MGAT4C: variants seen among roughly 807,000 people sequenced by gnomAD.
MGAT4C encodes the protein alpha-1,3-mannosyl-glycoprotein 4-beta-N-acetylglucosaminyltransferase C.
In MGAT4C, 19 loss-of-function variants were observed where a neutral mutation model predicts 40.1. That is an observed-to-expected ratio of 0.47 (90% CI 0.33 to 0.70). MGAT4C has a LOEUF of 0.70. Among genes scored for constraint, MGAT4C ranks in the 30% least tolerant of loss-of-function variants. The pLI is 0.02. For missense variants in MGAT4C, 491 were observed against 563.2 expected (o/e 0.87, Z 1.30); for synonymous variants, 181 against 187.1 (o/e 0.97, Z 0.27).
intron 1 of MGAT4C, among the ~76,000 whole-genome samples, chr12:86,062,136 A>G (rs1261512017): frequency 6.6e-6 from 1 of 152,004 alleles, no homozygotes; most frequent in Non-Finnish European, 1.5e-5. Flanking sequence ...TCTGGCTGGC[A>G]TCTGGCAGGA....
intron 4 of MGAT4C, among the ~76,000 whole-genome samples, chr12:86,264,954 C>T (rs1310923457): frequency 1.3e-5 from 2 of 152,198 alleles, no homozygotes; most frequent in African/African-American, 4.8e-5. Flanking sequence ...GTGACACCCT[C>T]TTTGGGGCTC....
intron 1 of MGAT4C, among the ~76,000 whole-genome samples, chr12:86,743,205 A>C (rs954055953): frequency 2.8e-5 from 4 of 142,236 alleles, no homozygotes; most frequent in African/African-American, 1.0e-4. Flanking sequence ...ATTCAGACAC[A>C]ATAAGTACGG....
At chr12:86,238,079 T>G (rs2136035330) in intron 1 of MGAT4C, among the ~76,000 whole-genome samples, 1 of 152,066 alleles carries the variant, frequency 6.6e-6, no homozygotes, top group African/African-American at 2.4e-5. Flanking sequence ...CATTTCCCTT[T>G]ACTTTTTGAT....
In MGAT4C at chr12:85,974,777, GA is replaced by G. The variant is rs1017852127; in HGVS notation, c.*4511del. ...AAAGAATAACCCCAATCTGAACAAAGAAATTCAAAGTAATGGAAAACTCAAC... is the reference window on the plus strand; with the variant it reads ...AAAGAATAACCCCAATCTGAACAAAGAATTCAAAGTAATGGAAAACTCAAC... On this transcript the variant is annotated 3_prime_UTR_variant, in exon 5 of 5. Transcript: ENST00000611864. 1 of 150,258 alleles carries G rather than the reference GA, an allele frequency of 6.7e-6. No homozygotes were observed. Among genetic ancestry groups the G allele is most frequent in the African/African-American group, 2.4e-5 (1 of 41,166 alleles). The allele number at this position is 150,258 out of a possible 1,614,324, so 9.3% of individuals were successfully genotyped here.
At chr12:86,836,397 T>C (rs963706198) in intron 1 of MGAT4C, among the ~76,000 whole-genome samples, 1 of 151,642 alleles carries the variant, frequency 6.6e-6, no homozygotes, top group African/African-American at 2.4e-5. Context: ...TAGGAGAGAA[T>C]ACCATTACAT....
chr12:86,027,026 T>A (rs1002674403), intron 2 of MGAT4C, among the ~76,000 whole-genome samples: 1 of 152,036 alleles, frequency 6.6e-6, no homozygotes, highest in Non-Finnish European at 1.5e-5. Context: ...CAGTATACTA[T>A]AAGTAGGTCC....
chr12:86,795,954 G>A (rs930037362), intron 1 of MGAT4C, among the ~76,000 whole-genome samples: 3 of 151,918 alleles, frequency 2.0e-5, no homozygotes, highest in Non-Finnish European at 4.4e-5. Context: ...TAGAAAGAGA[G>A]CAACGTAAGA....
chr12:86,478,282 T>C (rs972865717), intron 2 of MGAT4C, among the ~76,000 whole-genome samples: 25 of 152,168 alleles, frequency 1.6e-4, no homozygotes, highest in Admixed American at 1.6e-3. Context: ...GAAAGAAAGA[T>C]GTAAAAGATG....
chr12:86,514,996 T>G (rs1312959197), intron 2 of MGAT4C, among the ~76,000 whole-genome samples: 7 of 152,188 alleles, frequency 4.6e-5, no homozygotes, highest in Non-Finnish European at 8.8e-5. Flanking sequence ...ACAGAGAGAA[T>G]ATATTATTAG....
At chr12:86,518,181 C>G (rs1343848507) in intron 2 of MGAT4C, among the ~76,000 whole-genome samples, 1 of 152,114 alleles carries the variant, frequency 6.6e-6, no homozygotes, top group East Asian at 1.9e-4. Flanking sequence ...TTAGGTAGAT[C>G]ACCAACTGCA....
chr12:86,257,611 T>A (rs970279975), upstream of MGAT4C, among the ~76,000 whole-genome samples: 3 of 152,252 alleles, frequency 2.0e-5, no homozygotes, highest in African/African-American at 4.8e-5. Flanking sequence ...TCAGGGCAAA[T>A]ACTTGTTACA....
intron 3 of MGAT4C, among the ~76,000 whole-genome samples, chr12:86,336,664 T>A (rs1954798500): frequency 6.6e-6 from 1 of 152,006 alleles, no homozygotes; most frequent in African/African-American, 2.4e-5. Context: ...CAATTTTCAG[T>A]AGGGAAAACA....
At chr12:86,751,966 T>C (rs1183590246) in intron 1 of MGAT4C, among the ~76,000 whole-genome samples, 1 of 152,008 alleles carries the variant, frequency 6.6e-6, no homozygotes, top group East Asian at 1.9e-4. Context: ...AATAACATGT[T>C]TTAAGATATG....
chr12:86,760,599 G>C (rs954773549), intron 1 of MGAT4C, among the ~76,000 whole-genome samples: 10 of 152,084 alleles, frequency 6.6e-5, no homozygotes, highest in African/African-American at 2.4e-4. Context: ...GGGACACCGG[G>C]CAAGAAAGGA....
chr12:86,512,867 A>G (rs2136350174), intron 2 of MGAT4C, among the ~76,000 whole-genome samples: 1 of 152,254 alleles, frequency 6.6e-6, no homozygotes, highest in East Asian at 1.9e-4. Flanking sequence ...TTTCATGCCT[A>G]TAGTTAATAA....
At chr12:86,802,308 T>G (rs999677848) in intron 1 of MGAT4C, among the ~76,000 whole-genome samples, 1 of 151,994 alleles carries the variant, frequency 6.6e-6, no homozygotes, top group Non-Finnish European at 1.5e-5. Flanking sequence ...GATTACTGAA[T>G]GCATACTGTG....
chr12:86,074,324 T>A (rs1482871721), intron 1 of MGAT4C, among the ~76,000 whole-genome samples: 7 of 140,326 alleles, frequency 5.0e-5, no homozygotes, highest in African/African-American at 8.0e-5. Context: ...TGTGAGTTAA[T>A]ACTTAATAAA....
At position 86,544,555 on chromosome 12, in the gene MGAT4C, TACAA is replaced by T. The variant is rs543236126; in HGVS notation, c.-228-109294_-228-109291del. ...TTTGTTGATTAAAACACATGGTCTA[TACAA>T]ACATTTTAGTTACTGATCCTCAATT... is the stretch of plus-strand genomic sequence containing the variant. On this transcript the variant is annotated intron_variant, in intron 2 of 7. Coordinates refer to the MGAT4C transcript ENST00000548651. Among the ~76,000 whole-genome samples, 614 of 152,314 alleles carry T rather than the reference TACAA, an allele frequency of 4.0e-3. 18 individuals carry two copies. The highest frequency in any genetic ancestry group is 0.038 in the Admixed American group (578 of 15,290).
chr12:86,829,763 T>C (rs1016434820), intron 1 of MGAT4C, among the ~76,000 whole-genome samples: 5 of 151,052 alleles, frequency 3.3e-5, no homozygotes, highest in African/African-American at 4.9e-5. Context: ...TCATTTTCTT[T>C]TCTGACTTGT....
Sources: allele counts gnomAD v4.1 joint callset (sites outside exome capture counted in the v4.1 genomes callset), GRCh38; gene constraint gnomAD v4.1.1; transcripts MANE v1.5; gene names NCBI Gene and HGNC (gene_info 2026-07-23, HGNC 2026-07-21).